Variants in CCDC112 observed in about 807,000 individuals in gnomAD.
CCDC112 encodes coiled-coil domain containing 112, also known as coiled-coil domain-containing protein 112.
CCDC112 carries 40 observed loss-of-function variants against 66.3 expected under a neutral mutation model. The observed-to-expected ratio is 0.60, with a 90% CI of 0.47 to 0.79. The LOEUF is 0.79. Ranked by LOEUF, CCDC112 falls within the 30% of genes least tolerant of loss-of-function variation. The probability of loss-of-function intolerance (pLI) is 0.00; values close to 1 mark genes in which losing one functional copy is unlikely to be tolerated. For synonymous variants in CCDC112, 214 were observed against 197.2 expected (o/e 1.09, Z -0.71); for missense variants, 659 against 603.8 (o/e 1.09, Z -0.96).
intron 1 of CCDC112, among the ~76,000 whole-genome samples, chr5:115,293,907 G>T (rs982229093): frequency 6.6e-6 from 1 of 152,128 alleles, no homozygotes; most frequent in African/African-American, 2.4e-5. Context: ...TCACACTAAT[G>T]TGATACTGTT....
rs912210975 is a variant in CCDC112 at position 115,268,292 on chromosome 5, A to T, written c.1548-374T>A. Among the ~76,000 whole-genome samples the T allele has an allele frequency of 6.6e-5, 10 of 152,126 alleles. No individual in the cohort carries two copies. The East Asian group carries it at 7.7e-4, about 12-fold the overall frequency. ...CTACTTTTACTTTATTTATTTATTT[A>T]TTTTTTTGAGACGGAGTCTCACTGT... On this transcript the variant is annotated intron_variant, in intron 9 of 9. Coordinates refer to ENST00000379611, the MANE Select transcript of CCDC112 (RefSeq NM_001040440.3).
intron 8 of CCDC112, 150 bp from the exon 9 acceptor site, chr5:115,269,150 A>T: frequency 2.2e-6 from 1 of 462,582 alleles, no homozygotes; most frequent in Non-Finnish European, 3.8e-6. Context: ...CATTGGGCTC[A>T]TATAGCTAAA....
intron 1 of CCDC112, among the ~76,000 whole-genome samples, chr5:115,285,656 G>A (rs966589392): frequency 3.0e-4 from 45 of 152,130 alleles, no homozygotes; most frequent in African/African-American, 1.1e-3. Flanking sequence ...AGATATTTTA[G>A]GTCACTTAGG....
chr5:115,288,270 C>T (rs138811672), intron 1 of CCDC112, among the ~76,000 whole-genome samples: 1,630 of 152,272 alleles, frequency 0.011, 15 homozygotes, highest in Middle Eastern at 0.02. Flanking sequence ...TGTTAGCCAC[C>T]GCACCCAGCC....
intron 2 of CCDC112, among the ~76,000 whole-genome samples, chr5:115,282,776 T>C (rs569258306): frequency 6.6e-6 from 1 of 152,248 alleles, no homozygotes; most frequent in Admixed American, 6.5e-5. Flanking sequence ...TTCCACTGGG[T>C]ACCCTTTGAT....
intron 1 of CCDC112, among the ~76,000 whole-genome samples, chr5:115,290,497 G>A (rs982297291): frequency 1.3e-5 from 2 of 152,118 alleles, no homozygotes; most frequent in South Asian, 2.1e-4. Context: ...AGATCAGCTT[G>A]TACATTTCTG....
intron 5 of CCDC112, 107 bp downstream of exon 5, chr5:115,275,887 G>A: frequency 7.4e-6 from 6 of 812,882 alleles, no homozygotes; most frequent in Non-Finnish European, 1.2e-5. Flanking sequence ...TTTTGTATAA[G>A]ACTCAAATAC....
At chr5:115,296,366 C>T in intron 1 of CCDC112, 61 bp downstream of exon 1, 5 of 1,511,136 alleles carry the variant, frequency 3.3e-6, no homozygotes, top group Non-Finnish European at 4.4e-6. Flanking sequence ...GGCACCTGTT[C>T]AGCCAGGGCC....
At chr5:115,284,054 G>A (rs1227251009) in intron 2 of CCDC112, among the ~76,000 whole-genome samples, 1 of 151,628 alleles carries the variant, frequency 6.6e-6, no homozygotes, top group Non-Finnish European at 1.5e-5. Flanking sequence ...GGGCAAAATG[G>A]ATCTGAAAGG....
At chr5:115,288,547 T>G (rs891589564) in intron 1 of CCDC112, among the ~76,000 whole-genome samples, 1 of 152,182 alleles carries the variant, frequency 6.6e-6, no homozygotes, top group Non-Finnish European at 1.5e-5. Flanking sequence ...AAAGCCATGA[T>G]CAAAGAGTGG....
chr5:115,270,295 C>A (rs1263867473), intron 7 of CCDC112, among the ~76,000 whole-genome samples: 1 of 152,024 alleles, frequency 6.6e-6, no homozygotes, highest in Non-Finnish European at 1.5e-5. Flanking sequence ...CGTTATTTTT[C>A]TTTGTACCTC....
chr5:115,296,129 C>A (rs1750145706), intron 1 of CCDC112: 1 of 1,127,658 alleles, frequency 8.9e-7, no homozygotes, highest in East Asian at 4.7e-5. Flanking sequence ...TGTTACTATT[C>A]CCAATTTTTA....
At chr5:115,284,435 G>T (rs949375624) in intron 2 of CCDC112, among the ~76,000 whole-genome samples, 3 of 151,922 alleles carry the variant, frequency 2.0e-5, no homozygotes, top group Non-Finnish European at 4.4e-5. Flanking sequence ...ACACAAAAAC[G>T]ATTCACTTCC....
intron 6 of CCDC112, 111 bp downstream of exon 6, chr5:115,275,105 T>TAC (rs1749148159): frequency 1.2e-6 from 1 of 844,304 alleles, no homozygotes; most frequent in Admixed American, 2.9e-5. Flanking sequence ...GGCGGGGAAC[T>TAC]ATAAACACAC....
At chr5:115,290,366 G>T (rs778666174) in intron 1 of CCDC112, among the ~76,000 whole-genome samples, 3 of 152,150 alleles carry the variant, frequency 2.0e-5, no homozygotes, top group Non-Finnish European at 2.9e-5. Context: ...ACCATAGTTT[G>T]ATTACTGTGG....
chr5:115,275,326 T>A lies in CCDC112; in HGVS notation c.808A>T (p.Thr270Ser), dbSNP rs780659418. 1.2e-6 allele frequency: 2 copies of A among 1,613,988 alleles called. No homozygotes were observed. The highest frequency in any genetic ancestry group is 1.7e-5 in the Admixed American group (1 of 59,992). The change falls in exon 6 of 10, where the codon ACA (threonine) becomes TCA (serine). Residue 270 changes from threonine (T) to serine (S), a missense_variant. Thr to Ser is a moderately conservative substitution (Grantham distance 58, BLOSUM62 1). Coordinates refer to ENST00000379611, the MANE Select transcript of CCDC112 (RefSeq NM_001040440.3). ...KVRNKHKGKP[T>S]FMEEVLEHLP... ...TGTTCTAGAACTTCTTCCATAAATG[T>A]TGGCTTCCCTTTATGTTTGTTTCTC...
Position 115,284,871 on chromosome 5 carries a change from G to C in CCDC112, c.155C>G (p.Pro52Arg). The C allele has an allele frequency of 6.2e-7, 1 of 1,612,644 alleles. No homozygotes were observed. The highest frequency in any genetic ancestry group is 8.5e-7 in the Non-Finnish European group (1 of 1,179,026). ...CTGCTTCCAGTTCTGAAGATGAAAAGGACGAATTCCACCTGAAGTACTAAA... is the reference window on the plus strand; with the variant it reads ...CTGCTTCCAGTTCTGAAGATGAAAACGACGAATTCCACCTGAAGTACTAAA... Reference protein sequence around the residue: ...GCFSTSGGIRPFHLQNWKQKV... With the variant: ...GCFSTSGGIRRFHLQNWKQKV... The change falls in exon 2 of 10, where the codon CCT becomes CGT. Residue 52 changes from proline (P) to arginine (R), a missense_variant. Transcript: ENST00000379611.
rs377238982 is a variant in CCDC112, at chr5:115,271,535, T to C, written c.1010A>G (p.His337Arg). 1.9e-6 allele frequency: 3 copies of C among 1,610,292 alleles called. No homozygotes were observed. Among genetic ancestry groups the C allele is most frequent in the South Asian group, 2.2e-5 (2 of 89,670 alleles). The change falls in exon 7 of 10, where the codon CAT (histidine) becomes CGT (arginine). Residue 337 changes from histidine (H) to arginine (R), a missense_variant. Physicochemically the swap from His to Arg is conservative, Grantham distance 29. Coordinates refer to ENST00000379611, the MANE Select transcript of CCDC112 (RefSeq NM_001040440.3). ...EKADNTPVLF[H>R]NKQEDNQKQK... ...CTTTTGATTATCCTCTTGTTTATTA[T>C]GAAAAAGCACAGGTGTGTTGTCTGC...
chr5:115,291,945 G>A (rs779533544), intron 1 of CCDC112, among the ~76,000 whole-genome samples: 4 of 151,970 alleles, frequency 2.6e-5, no homozygotes, highest in Non-Finnish European at 4.4e-5. Context: ...CATATTTATT[G>A]GCAGGTTTAT....
Sources: allele counts gnomAD v4.1 joint callset (sites outside exome capture counted in the v4.1 genomes callset), GRCh38; gene constraint gnomAD v4.1.1; transcripts MANE v1.5; gene names NCBI Gene and HGNC (gene_info 2026-07-23, HGNC 2026-07-21).